CYP51A1: variants seen among roughly 807,000 people sequenced by gnomAD.
The protein encoded by CYP51A1 is lanosterol 14-alpha demethylase.
Under a neutral mutation model 53.5 loss-of-function variants are expected in CYP51A1, and 45 were observed. The observed-to-expected ratio is 0.84, with a 90% confidence interval of 0.66 to 1.08. The LOEUF (loss-of-function observed/expected upper bound fraction) is 1.08, where lower values mean the gene tolerates loss of function less well. Among genes scored for constraint, CYP51A1 ranks in the 50% least tolerant of loss-of-function variants. CYP51A1 has a pLI of 0.00. For synonymous variants in CYP51A1, 181 were observed against 217.7 expected, an observed-to-expected ratio of 0.83 and a Z score of 1.48; for missense variants, 462 against 621.7, an observed-to-expected ratio of 0.74 and a Z score of 2.73.
At chr7:92,125,860 G>A (rs1007920804) in intron 5 of CYP51A1, among the ~76,000 whole-genome samples, 1 of 152,114 alleles carries the variant, frequency 6.6e-6, no homozygotes, top group Non-Finnish European at 1.5e-5. Flanking sequence ...GTTGGGCATG[G>A]TGGCACGTGC....
At chr7:92,115,160 C>T (rs1233595442) in intron 9 of CYP51A1, among the ~76,000 whole-genome samples, 4 of 152,038 alleles carry the variant, frequency 2.6e-5, no homozygotes, top group Admixed American at 6.6e-5. Context: ...CATAAATAAA[C>T]AGCACAATTA....
rs969425038 is a variant in CYP51A1, at chr7:92,117,270, C to A, written c.1183-58G>T. 5 of 1,467,694 alleles carry A rather than the reference C, an allele frequency of 3.4e-6. No homozygotes were observed. The Admixed American group carries it at 7.0e-5, about 21-fold the overall frequency. The allele number at this position is 1,467,694 out of a possible 1,614,324, so 90.9% of individuals were successfully genotyped here. On this transcript the variant is annotated intron_variant, in intron 8 of 9. Coordinates refer to ENST00000003100, the MANE Select transcript of CYP51A1 (RefSeq NM_000786.4). ...ATTTAAAAATGTGCTGACAAATAAT[C>A]AGATCATTGTGTAATAAAGCATGAA...
chr7:92,134,715 T>G, upstream of CYP51A1: 1 of 245,464 alleles, frequency 4.1e-6, no homozygotes, highest in Middle Eastern at 1.2e-3. Context: ...GTTTTTTGTG[T>G]GCCCGGGTGC....
rs779786966 is a variant in CYP51A1 at position 92,113,841 on chromosome 7, G to A, written c.1354C>T (p.Arg452Cys). 5 of 1,574,894 alleles carry A rather than the reference G, an allele frequency of 3.2e-6. No individual in the cohort carries two copies. Among genetic ancestry groups the A allele is most frequent in the East Asian group, 2.3e-5 (1 of 44,266 alleles). Residue 452 changes from arginine (R) to cysteine (C), a missense_variant and splice_region_variant, in exon 10 of 10, where the codon CGT (arginine) becomes TGT (cysteine). Physicochemically the swap from Arg to Cys is radical, Grantham distance 180. Coordinates refer to ENST00000003100, the MANE Select transcript of CYP51A1 (RefSeq NM_000786.4). ...KFAYVPFGAG[R>C]HRCIGENFAY... ...AAATTTTCCCCAATACAACGATGAC[G>A]CCCTAAAAAAAAGAAAAAGTTATAA...
At chr7:92,117,959 G>C (rs1471865024) in intron 8 of CYP51A1, among the ~76,000 whole-genome samples, 1 of 148,594 alleles carries the variant, frequency 6.7e-6, no homozygotes, top group Non-Finnish European at 1.5e-5. Context: ...CTGCACTCCA[G>C]CCTGGGCAAC....
intron 1 of CYP51A1, among the ~76,000 whole-genome samples, chr7:92,133,236 G>T (rs1297676682): frequency 6.6e-6 from 1 of 151,584 alleles, no homozygotes; most frequent in Non-Finnish European, 1.5e-5. Context: ...AGGTTAATAA[G>T]GCTGTTAAAT....
chr7:92,133,894 C>T (rs539830526), intron 1 of CYP51A1, among the ~76,000 whole-genome samples: 5 of 152,204 alleles, frequency 3.3e-5, no homozygotes, highest in Non-Finnish European at 4.4e-5. Context: ...ACCACGACCC[C>T]GTCTAGGATC....
intron 2 of CYP51A1, among the ~76,000 whole-genome samples, chr7:92,130,767 A>G (rs910209384): frequency 1.3e-5 from 2 of 152,238 alleles, no homozygotes; most frequent in African/African-American, 4.8e-5. Context: ...TCTCCTAAAC[A>G]GGAGAAAAAA....
intron 7 of CYP51A1, among the ~76,000 whole-genome samples, chr7:92,122,457 A>G (rs1338555258): frequency 1.3e-5 from 2 of 152,172 alleles, no homozygotes; most frequent in Non-Finnish European, 2.9e-5. Context: ...ACAAAACACC[A>G]GCAAGTTTAT....
rs1328030760 is a variant in CYP51A1 at position 92,129,004 on chromosome 7, A to G, written c.344T>C (p.Leu115Pro). ...TMVGKTFTYL[L>P]GSDAAALLFN... ...AAGCAGTGCAGCAGCATCACTCCCCAGAAGGTAAGTAAATGTCTTGCCTAC... is the reference window on the plus strand; with the variant it reads ...AAGCAGTGCAGCAGCATCACTCCCCGGAAGGTAAGTAAATGTCTTGCCTAC... The change falls in exon 3 of 10, where the codon CTG becomes CCG. Residue 115 changes from leucine to proline, a missense_variant. By Grantham distance (98) the Leu-to-Pro change is moderately conservative (BLOSUM62 -3). Coordinates refer to ENST00000003100, the MANE Select transcript of CYP51A1 (RefSeq NM_000786.4). 4 of 1,613,966 alleles carry G rather than the reference A, an allele frequency of 2.5e-6. No homozygotes were observed. Among genetic ancestry groups the G allele is most frequent in the Non-Finnish European group, 3.4e-6 (4 of 1,179,906 alleles).
chr7:92,118,650 T>C, intron 7 of CYP51A1, 35 bp from the exon 8 acceptor site: 1 of 1,190,290 alleles, frequency 8.4e-7, no homozygotes, highest in Non-Finnish European at 1.3e-6. Context: ...TTGTTATAAA[T>C]AACATACTTC....
chr7:92,118,663 CA>C, intron 7 of CYP51A1, 48 bp from the exon 8 acceptor site: 2 of 1,090,038 alleles, frequency 1.8e-6, no homozygotes, highest in South Asian at 2.5e-5. Context: ...CATACTTCAA[CA>C]GTACAAAAAA....
At chr7:92,124,352 A>G (rs1179111758) in intron 5 of CYP51A1, among the ~76,000 whole-genome samples, 3 of 152,222 alleles carry the variant, frequency 2.0e-5, no homozygotes, top group African/African-American at 7.2e-5. Flanking sequence ...AACAAGCTTC[A>G]ACTCCTAAAC....
Position 92,112,507 on chromosome 7 carries a change from AACAAAC to A in CYP51A1, c.*1152_*1157del, listed in dbSNP as rs1417995435. 6.6e-6 allele frequency: 1 copy of A among 152,220 alleles called. No homozygotes were observed. Among genetic ancestry groups the A allele is most frequent in the Non-Finnish European group, 1.5e-5 (1 of 68,048 alleles). The allele number at this position is 152,220 out of a possible 1,614,324, so 9.4% of individuals were successfully genotyped here. The stretch of plus-strand genomic sequence containing the variant: ...AACTGTTTTAATCAATATGAGTAGT[AACAAAC>A]ATCCCTAATTGGATTCTAGAGAGGA... On this transcript the variant is annotated 3_prime_UTR_variant, in exon 10 of 10. Transcript: ENST00000003100.
intron 1 of CYP51A1, 118 bp from the exon 2 acceptor site, chr7:92,131,990 C>T: frequency 2.5e-6 from 1 of 398,992 alleles, no homozygotes; most frequent in African/African-American, 1.0e-4. Context: ...AAAAAAGTTA[C>T]CAAAAAAAAA....
In CYP51A1 at chr7:92,128,865, A is replaced by G; in HGVS notation, c.468+15T>C. On this transcript the variant is annotated intron_variant, in intron 3 of 9. Transcript: ENST00000003100. ...GTATAGATTTGTCTTTATTTATGGT[A>G]ACAGTGTCACCTACTGGATTAGGCA... 6.2e-7 allele frequency: 1 copy of G among 1,602,826 alleles called. No homozygotes were observed. The highest frequency in any genetic ancestry group is 8.5e-7 in the Non-Finnish European group (1 of 1,174,448).
chr7:92,128,318 T>C (rs1483539254), intron 3 of CYP51A1, among the ~76,000 whole-genome samples: 2 of 152,158 alleles, frequency 1.3e-5, no homozygotes, highest in Non-Finnish European at 2.9e-5. Context: ...TAAAACTAAA[T>C]ACCCATTACT....
chr7:92,134,303 C>A lies in CYP51A1; in HGVS notation c.62G>T (p.Gly21Val). Residue 21 changes from glycine (G) to valine (V), a missense_variant, in exon 1 of 10, where the codon GGC becomes GTC. Transcript: ENST00000003100. ...GLLQAGGSVL[G>V]QAMEKVTGGN... ...GCCTGTCACCTTCTCCATCGCCTGG[C>A]CCAGCACCGACCCACCCGCCTGCAG... is the stretch of plus-strand genomic sequence containing the variant. 1.2e-6 allele frequency: 2 copies of A among 1,606,666 alleles called. No individual in the cohort carries two copies. Among genetic ancestry groups the A allele is most frequent in the African/African-American group, 1.3e-5 (1 of 74,820 alleles).
rs776543387 is a variant in CYP51A1 at position 92,123,308 on chromosome 7, G to A, written c.898C>T (p.Arg300Cys). ...GCTACTTCATCATCAGTCAAAGGAC[G>A]CCCATCCCTAAGGAATGAACCAAAG... ...TLLDATYKDG[R>C]PLTDDEVAGM... The change falls in exon 7 of 10, where the codon CGT becomes TGT. Residue 300 changes from arginine to cysteine, a missense_variant. Physicochemically the swap from Arg to Cys is radical, Grantham distance 180. Transcript: ENST00000003100. 3.8e-5 allele frequency: 61 copies of A among 1,612,204 alleles called. No individual in the cohort carries two copies. Among genetic ancestry groups the A allele is most frequent in the Middle Eastern group, 3.3e-4 (2 of 6,052 alleles).
Sources: allele counts gnomAD v4.1 joint callset (sites outside exome capture counted in the v4.1 genomes callset), GRCh38; gene constraint gnomAD v4.1.1; transcripts MANE v1.5; gene names NCBI Gene and HGNC (gene_info 2026-07-23, HGNC 2026-07-21).